The following OPCML variants were observed in gnomAD, a reference collection of about 807,000 sequenced individuals.
The protein encoded by OPCML is opioid binding protein/cell adhesion molecule like, also known as opioid-binding protein/cell adhesion molecule.
Under a neutral mutation model 37.8 loss-of-function variants are expected in OPCML, and 13 were observed. The observed-to-expected ratio is 0.34, with a 90% CI of 0.22 to 0.55. The LOEUF is 0.55. OPCML is among the 20% of genes least tolerant of loss of function. The probability of loss-of-function intolerance (pLI) is 0.91; values close to 1 mark genes in which losing one functional copy is unlikely to be tolerated. For missense variants in OPCML, 341 were observed against 435.6 expected, an observed-to-expected ratio of 0.78 and a Z score of 1.93; for synonymous variants, 176 against 168.8, an observed-to-expected ratio of 1.04 and a Z score of -0.33.
chr11:132,715,050 A>AGG (rs552163661), intron 2 of OPCML, among the ~76,000 whole-genome samples: 22 of 152,232 alleles, frequency 1.4e-4, no homozygotes, highest in Admixed American at 7.2e-4. Context: ...CTCATGGGCA[A>AGG]GGGAGGGCAG....
intron 1 of OPCML, among the ~76,000 whole-genome samples, chr11:133,048,467 G>T (rs1041807165): frequency 3.3e-5 from 5 of 151,988 alleles, no homozygotes; most frequent in African/African-American, 1.2e-4. Context: ...ACCACTTAGC[G>T]CCAGAAACTA....
chr11:132,815,727 A>C (rs1404234799), intron 2 of OPCML, among the ~76,000 whole-genome samples: 2 of 152,166 alleles, frequency 1.3e-5, no homozygotes, highest in Non-Finnish European at 2.9e-5. Flanking sequence ...TGGTTTTAAA[A>C]TTCTTATTCA....
intron 4 of OPCML, among the ~76,000 whole-genome samples, chr11:132,483,964 C>A (rs1313950101): frequency 6.6e-6 from 1 of 152,070 alleles, no homozygotes; most frequent in Non-Finnish European, 1.5e-5. Flanking sequence ...CATAAAAACC[C>A]TAAAAGAAAA....
chr11:133,412,717 G>T (rs1945676127), intron 1 of OPCML, among the ~76,000 whole-genome samples: 1 of 152,100 alleles, frequency 6.6e-6, no homozygotes, highest in Non-Finnish European at 1.5e-5. Flanking sequence ...CACTGCTTTA[G>T]CCCTGATTTT....
intron 2 of OPCML, among the ~76,000 whole-genome samples, chr11:132,879,299 C>G (rs1444929547): frequency 6.6e-6 from 1 of 152,036 alleles, no homozygotes; most frequent in African/African-American, 2.4e-5. Flanking sequence ...CTACAAAGCC[C>G]TGGGTGAGCT....
At chr11:132,470,170 A>C (rs1565589479) in intron 4 of OPCML, among the ~76,000 whole-genome samples, 1 of 152,130 alleles carries the variant, frequency 6.6e-6, no homozygotes, top group Non-Finnish European at 1.5e-5. Context: ...GAAGGGATGC[A>C]AAAATGGAAG....
At position 133,044,692 on chromosome 11, in the gene OPCML, G is replaced by A. The variant is rs542371691; in HGVS notation, c.62-101682C>T. Among the ~76,000 whole-genome samples, 128 of 152,300 alleles carry A rather than the reference G, an allele frequency of 8.4e-4. 1 individual carries two copies. Among genetic ancestry groups the A allele is most frequent in the South Asian group, 2.5e-3 (12 of 4,822 alleles). ...AAATGAGGAAACTGAGGCACAGAGC[G>A]GTGAAGTAGCTTGCCCAGGTCACAG... On this transcript the variant is annotated intron_variant, in intron 1 of 7. Transcript: ENST00000524381.
At chr11:132,738,613 C>A (rs755970884) in intron 2 of OPCML, among the ~76,000 whole-genome samples, 25 of 152,142 alleles carry the variant, frequency 1.6e-4, no homozygotes, top group Non-Finnish European at 3.1e-4. Context: ...GGCTGTGCTC[C>A]CTTCTACAGT....
At chr11:133,185,796 C>A (rs554413446) in intron 1 of OPCML, among the ~76,000 whole-genome samples, 88 of 152,210 alleles carry the variant, frequency 5.8e-4, no homozygotes, top group Admixed American at 1.2e-3. Flanking sequence ...ATTTTCCCAC[C>A]ATGACTTGAA....
chr11:132,801,828 A>G (rs1459077476), intron 2 of OPCML, among the ~76,000 whole-genome samples: 1 of 152,196 alleles, frequency 6.6e-6, no homozygotes, highest in Non-Finnish European at 1.5e-5. Context: ...ACAGTATTCT[A>G]TGTGCTTATT....
At chr11:132,654,477 C>G (rs184657939) in intron 3 of OPCML, among the ~76,000 whole-genome samples, 1 of 151,444 alleles carries the variant, frequency 6.6e-6, no homozygotes, top group African/African-American at 2.4e-5. Flanking sequence ...AGCACTTCCC[C>G]AAGGGAAGCT....
In OPCML at chr11:132,824,173, A is replaced by G. The variant is rs1199384096; in HGVS notation, c.146+118753T>C. Among the ~76,000 whole-genome samples, 3 of 152,172 alleles carry G rather than the reference A, an allele frequency of 2.0e-5. No homozygotes were observed. In the South Asian group the frequency reaches 6.2e-4, roughly 32 times the overall value. On this transcript the variant is annotated intron_variant, in intron 2 of 7. Transcript: ENST00000524381. ...ATCTAAAAATCTTGTGTTCTGAACC[A>G]TCACTCATGCCTCTTCAAAAATACT... is the stretch of plus-strand genomic sequence containing the variant.
chr11:133,353,022 A>G (rs1270949682), intron 1 of OPCML, among the ~76,000 whole-genome samples: 1 of 152,240 alleles, frequency 6.6e-6, no homozygotes, highest in Non-Finnish European at 1.5e-5. Context: ...TAAATGTCGC[A>G]GTTATAGGCT....
chr11:132,584,378 A>G (rs2096468159), intron 3 of OPCML, among the ~76,000 whole-genome samples: 1 of 152,192 alleles, frequency 6.6e-6, no homozygotes, highest in Non-Finnish European at 1.5e-5. Context: ...TCCTCTTAAC[A>G]GTAGAGGGAT....
intron 2 of OPCML, among the ~76,000 whole-genome samples, chr11:132,694,084 T>A (rs1439156988): frequency 6.6e-6 from 1 of 151,382 alleles, no homozygotes; most frequent in Non-Finnish European, 1.5e-5. Context: ...CTCTCACAGT[T>A]CTGCCATATC....
chr11:133,066,188 T>C (rs1041658311), intron 1 of OPCML: 5 of 152,314 alleles, frequency 3.3e-5, no homozygotes, highest in African/African-American at 1.2e-4. Context: ...GCTTGCCTCA[T>C]GTCCACTCCT....
intron 1 of OPCML, among the ~76,000 whole-genome samples, chr11:133,224,107 C>T (rs1215629532): frequency 1.3e-5 from 2 of 152,138 alleles, no homozygotes; most frequent in African/African-American, 4.8e-5. Context: ...AGGAGAAGGT[C>T]CAATGCTTTG....
At chr11:133,458,236 G>GTATA (rs1229448194) in intron 1 of OPCML, among the ~76,000 whole-genome samples, 1 of 106,542 alleles carries the variant, frequency 9.4e-6, no homozygotes, top group African/African-American at 8.6e-5. Flanking sequence ...ACACGTGTGT[G>GTATA]TATATATACA....
In OPCML at chr11:133,349,797, GA is replaced by G. The variant is rs200550977; in HGVS notation, c.61+182466del. On this transcript the variant is annotated intron_variant, in intron 1 of 7. Coordinates refer to ENST00000524381, the MANE Select transcript of OPCML (RefSeq NM_001012393.5). ...AATAGTGGGACATGCTAAACCATCAGAAAAAAAAATATTTTGACTTATGCAC... is the reference window on the plus strand; with the variant it reads ...AATAGTGGGACATGCTAAACCATCAGAAAAAAAATATTTTGACTTATGCAC... 9.3e-5 allele frequency among the ~76,000 whole-genome samples: 14 copies of G among 151,250 alleles called. No homozygotes were observed. The South Asian group carries it at 1.7e-3, about 18-fold the overall frequency.
Sources: gnomAD v4.1 joint callset for allele counts (sites outside exome capture counted in the v4.1 genomes callset) on GRCh38, gnomAD v4.1.1 for gene constraint, MANE v1.5 for transcripts, NCBI Gene and HGNC (gene_info 2026-07-23, HGNC 2026-07-21) for gene names.